Variants in ZNF26 observed in about 807,000 individuals in gnomAD.
ZNF26 encodes zinc finger protein 26.
A neutral mutation model predicts 54.9 loss-of-function variants in ZNF26; 32 were observed. That is an observed-to-expected ratio of 0.58 (90% CI 0.44 to 0.78). The LOEUF is 0.78. ZNF26 is among the 30% of genes least tolerant of loss of function. The pLI, the probability that ZNF26 is intolerant of heterozygous loss-of-function variation, is 0.00. For synonymous variants in ZNF26, 221 were observed against 209.2 expected, an observed-to-expected ratio of 1.06 and a Z score of -0.49; for missense variants, 524 against 634.0, an observed-to-expected ratio of 0.83 and a Z score of 1.86.
At chr12:132,987,008 C>G (rs1952836340) in intron 1 of ZNF26, 135 bp downstream of exon 1, 1 of 1,012,056 alleles carries the variant, frequency 9.9e-7, no homozygotes. Context: ...CTACCCTCCC[C>G]ACCAAACCAA....
At position 133,012,580 on chromosome 12, in the gene ZNF26, T is replaced by TTTTTTTTTTG; in HGVS notation, c.*1108_*1109insGTTTTTTTTT. 1.0e-5 allele frequency: 1 copy of TTTTTTTTTTG among 100,242 alleles called. No individual in the cohort carries two copies. Among genetic ancestry groups the TTTTTTTTTTG allele is most frequent in the Non-Finnish European group, 2.0e-5 (1 of 49,812 alleles). The allele number at this position is 100,242 out of a possible 1,614,324, so 6.2% of individuals were successfully genotyped here. A position where few individuals can be genotyped will look rare whatever the true frequency, so the allele number is the denominator to read the frequency against. On this transcript the variant is annotated 3_prime_UTR_variant, in exon 4 of 4. Coordinates refer to ENST00000328654, the MANE Select transcript of ZNF26 (RefSeq NM_019591.4). ...GTCTTTTGCTTTTTGTTGTTTGGGT[T>TTTTTTTTTTG]TTTTTTTTTTTTTTTTTTTTTTTTT...
In ZNF26 at chr12:133,010,870, G is replaced by A. The variant is rs1953455935; in HGVS notation, c.991G>A (p.Val331Ile). The stretch of plus-strand genomic sequence containing the variant: ...CTTTAGGAGTAAGTCCTATCTCCTT[G>A]TTCACATCCGAATGCATACAGGAGA... ...KAFRSKSYLL[V>I]HIRMHTGEKP... Residue 331 changes from valine to isoleucine, a missense_variant, in exon 4 of 4, where the codon GTT (valine) becomes ATT (isoleucine). By Grantham distance (29) the Val-to-Ile change is conservative. Transcript: ENST00000328654. 2 of 1,613,820 alleles carry A rather than the reference G, an allele frequency of 1.2e-6. No individual in the cohort carries two copies. Among genetic ancestry groups the A allele is most frequent in the Non-Finnish European group, 1.7e-6 (2 of 1,180,016 alleles).
chr12:133,018,195 G>C lies in ZNF26; in HGVS notation c.*6714G>C, dbSNP rs1481080226. ...CCACAAGAATAAGCTGAGAGAACCA[G>C]AAATAGGAAATAAATAGGCTACTGT... On this transcript the variant is annotated 3_prime_UTR_variant, in exon 4 of 4. Coordinates refer to ENST00000328654, the MANE Select transcript of ZNF26 (RefSeq NM_019591.4). 1.3e-5 allele frequency: 2 copies of C among 152,130 alleles called. No homozygotes were observed. Among genetic ancestry groups the C allele is most frequent in the Non-Finnish European group, 2.9e-5 (2 of 68,022 alleles). The allele number at this position is 152,130 out of a possible 1,614,324, so 9.4% of individuals were successfully genotyped here.
rs1027654269 is a variant in ZNF26, at chr12:133,020,759, G to A, written c.*9278G>A. 2 of 152,202 alleles carry A rather than the reference G, an allele frequency of 1.3e-5. No homozygotes were observed. Among genetic ancestry groups the A allele is most frequent in the African/African-American group, 4.8e-5 (2 of 41,456 alleles). 9.4% of individuals were successfully genotyped at this position (152,202 alleles called of 1,614,324 possible). A position where few individuals can be genotyped will look rare whatever the true frequency, so the allele number is the denominator to read the frequency against. On this transcript the variant is annotated 3_prime_UTR_variant, in exon 4 of 4. Transcript: ENST00000328654. ...CATGTTTGAAATCAAGGCATTGACA[G>A]GTTTTGGTTCCTTCTGAGGGCTCTG...
At chr12:133,006,599 CT>C (rs540336889) in intron 1 of ZNF26, 948 of 138,644 alleles carry the variant, frequency 6.8e-3, no homozygotes, top group Middle Eastern at 0.011. Flanking sequence ...TTCTTTCTTT[CT>C]TTTTTTTTTT....
intron 1 of ZNF26, among the ~76,000 whole-genome samples, chr12:132,993,459 TTTTG>T (rs1342803047): frequency 2.0e-5 from 3 of 151,768 alleles, no homozygotes; most frequent in Non-Finnish European, 2.9e-5. Flanking sequence ...CTGTCTGTGT[TTTTG>T]TTTTTGTTTT....
At chr12:132,994,998 C>G (rs1566254829) in intron 1 of ZNF26, among the ~76,000 whole-genome samples, 2 of 152,142 alleles carry the variant, frequency 1.3e-5, no homozygotes, top group African/African-American at 4.8e-5. Context: ...AAATCTCCCT[C>G]CTGCCCATTG....
chr12:132,986,495 G>A lies in ZNF26; in HGVS notation c.-346G>A, dbSNP rs1952820968. 3.1e-6 allele frequency: 1 copy of A among 322,014 alleles called. No individual in the cohort carries two copies. Among genetic ancestry groups the A allele is most frequent in the African/African-American group, 2.1e-5 (1 of 46,964 alleles). The allele number at this position is 322,014 out of a possible 1,614,324, so 19.9% of individuals were successfully genotyped here. On this transcript the variant is annotated 5_prime_UTR_variant, in exon 1 of 4. Transcript: ENST00000328654. The stretch of plus-strand genomic sequence containing the variant: ...GCGGAGGCGCGGAGCTAAGCGGCTC[G>A]GATTATCCTGGGCAGACCAGAGACT...
Position 133,020,911 on chromosome 12 carries a change from C to T in ZNF26, c.*9430C>T, listed in dbSNP as rs1953631189. The T allele has an allele frequency of 6.6e-6, 1 of 152,010 alleles. No individual in the cohort carries two copies. The highest frequency in any genetic ancestry group is 6.6e-5 in the Admixed American group (1 of 15,244). 9.4% of individuals were successfully genotyped at this position (152,010 alleles called of 1,614,324 possible). Reference sequence around the variant, plus strand: ...AAACGTCCCCTTTTTATAGGGACATCAGTCATATTGACTCCTAAGTCCTCA... The same window carrying T: ...AAACGTCCCCTTTTTATAGGGACATTAGTCATATTGACTCCTAAGTCCTCA... On this transcript the variant is annotated 3_prime_UTR_variant, in exon 4 of 4. Coordinates refer to ENST00000328654, the MANE Select transcript of ZNF26 (RefSeq NM_019591.4).
Position 133,020,525 on chromosome 12 carries a change from A to G in ZNF26, c.*9044A>G, listed in dbSNP as rs1953626735. On this transcript the variant is annotated 3_prime_UTR_variant, in exon 4 of 4. Coordinates refer to ENST00000328654, the MANE Select transcript of ZNF26 (RefSeq NM_019591.4). ...AAAAGAAGATATAATAATTATAAAC[A>G]TGTATGTACCTAATAACAGCACCAA... is the stretch of plus-strand genomic sequence containing the variant. 6.6e-6 allele frequency: 1 copy of G among 152,256 alleles called. No homozygotes were observed. 9.4% of individuals were successfully genotyped at this position (152,256 alleles called of 1,614,324 possible).
chr12:132,992,868 CTT>C (rs75658006), intron 1 of ZNF26, among the ~76,000 whole-genome samples: 1 of 149,118 alleles, frequency 6.7e-6, no homozygotes, highest in Non-Finnish European at 1.5e-5. Context: ...ATATTCTGTT[CTT>C]TTTTTTTTTC....
At chr12:132,989,028 ATTTTTTTTT>A (rs150395603) in intron 1 of ZNF26, among the ~76,000 whole-genome samples, 4 of 78,826 alleles carry the variant, frequency 5.1e-5, no homozygotes, top group South Asian at 5.2e-4. Flanking sequence ...CTTTCGGTGA[ATTTTTTTTT>A]TTTTTTTTTT....
At position 132,993,027 on chromosome 12, in the gene ZNF26, C is replaced by CTTT. The variant is rs71079156; in HGVS notation, c.33+6167_33+6169dup. ...ACAGTGTTTTTGATCACTAGTATTT[C>CTTT]TTTTTTTTTTTTTTTGAGATGGAGT... On this transcript the variant is annotated intron_variant, in intron 1 of 3. Coordinates refer to ENST00000328654, the MANE Select transcript of ZNF26 (RefSeq NM_019591.4). 1.0e-4 allele frequency among the ~76,000 whole-genome samples: 13 copies of CTTT among 129,426 alleles called. 3 individuals carry two copies. The highest frequency in any genetic ancestry group is 1.9e-4 in the Non-Finnish European group (12 of 62,494). The allele number at this position is 129,426 out of a possible 152,430, so 84.9% of individuals were successfully genotyped here.
intron 1 of ZNF26, among the ~76,000 whole-genome samples, chr12:133,002,352 A>G (rs1205450633): frequency 1.3e-5 from 2 of 152,016 alleles, no homozygotes; most frequent in Non-Finnish European, 2.9e-5. Flanking sequence ...TTTGGCCTAC[A>G]CTGCCTTCTT....
intron 1 of ZNF26, chr12:133,004,837 A>G (rs1180028643): frequency 2.6e-5 from 4 of 151,954 alleles, no homozygotes; most frequent in Admixed American, 6.6e-5. Context: ...ATTTTCCCTT[A>G]TTTTTGCTTT....
At chr12:132,988,019 A>G (rs1204763666) in intron 1 of ZNF26, among the ~76,000 whole-genome samples, 2 of 151,856 alleles carry the variant, frequency 1.3e-5, no homozygotes, top group South Asian at 2.1e-4. Context: ...GTCTTTTTTT[A>G]TTTTTTTGAG....
chr12:133,015,643 A>T lies in ZNF26; in HGVS notation c.*4162A>T, dbSNP rs1291646217. On this transcript the variant is annotated 3_prime_UTR_variant, in exon 4 of 4. Transcript: ENST00000328654. ...TGACAGGGCAAGACCTCATATCTGT[A>T]AAAAGTAAAAATAAATAAACAAACT... is the stretch of plus-strand genomic sequence containing the variant. The T allele has an allele frequency of 7.9e-5, 12 of 152,188 alleles. No homozygotes were observed. Among genetic ancestry groups the T allele is most frequent in the African/African-American group, 2.7e-4 (11 of 41,442 alleles). The allele number at this position is 152,188 out of a possible 1,614,324, so 9.4% of individuals were successfully genotyped here. A position where few individuals can be genotyped will look rare whatever the true frequency, so the allele number is the denominator to read the frequency against.
Position 133,010,761 on chromosome 12 carries a change from C to G in ZNF26, c.882C>G (p.Ala294=). Residue 294 remains alanine (A), a synonymous_variant, in exon 4 of 4, where the codon GCC becomes GCG. Transcript: ENST00000328654. The part of the protein sequence containing the change: ...KPYECSECGK[A]FSLKSPFVVH... ...ATGAATGCAGCGAATGTGGGAAAGC[C>G]TTTAGTTTGAAGTCTCCATTCGTTG... The G allele has an allele frequency of 6.2e-7, 1 of 1,613,636 alleles. No individual in the cohort carries two copies. Among genetic ancestry groups the G allele is most frequent in the Non-Finnish European group, 8.5e-7 (1 of 1,179,672 alleles).
Position 133,011,257 on chromosome 12 carries a change from G to A in ZNF26, c.1378G>A (p.Glu460Lys). 1 of 1,613,922 alleles carries A rather than the reference G, an allele frequency of 6.2e-7. No individual in the cohort carries two copies. Residue 460 changes from glutamate to lysine, a missense_variant, in exon 4 of 4, where the codon GAA (glutamate) becomes AAA (lysine). Physicochemically the swap from Glu to Lys is moderately conservative, Grantham distance 56. Coordinates refer to ENST00000328654, the MANE Select transcript of ZNF26 (RefSeq NM_019591.4). ...TEKPYECNEC[E>K]KAYPRKASLQ... ...GAAGCCCTATGAATGCAATGAATGT[G>A]AAAAAGCCTACCCTAGGAAGGCATC...
Sources: allele counts gnomAD v4.1 joint callset (sites outside exome capture counted in the v4.1 genomes callset), GRCh38; gene constraint gnomAD v4.1.1; transcripts MANE v1.5; gene names NCBI Gene and HGNC (gene_info 2026-07-23, HGNC 2026-07-21).